Variants in IFT140 observed in about 807,000 individuals in gnomAD.
The protein encoded by IFT140 is intraflagellar transport protein 140 homolog.
IFT140 carries 133 observed loss-of-function variants against 164.6 expected under a neutral mutation model. The ratio of observed to expected loss-of-function variants is 0.81; its 90% CI spans 0.70 to 0.93. The LOEUF (loss-of-function observed/expected upper bound fraction) is 0.93. Ranked by LOEUF, IFT140 falls within the 40% of genes least tolerant of loss-of-function variation. The probability of loss-of-function intolerance (pLI) is 0.00; values close to 1 mark genes in which losing one functional copy is unlikely to be tolerated. For synonymous variants in IFT140, 860 were observed against 817.3 expected (o/e 1.05, Z -0.89); for missense variants, 2,045 against 1,972.3 (o/e 1.04, Z -0.70).
intron 12 of IFT140, among the ~76,000 whole-genome samples, chr16:1,581,738 G>GGGGGA (rs2034570987): frequency 1.7e-5 from 2 of 114,480 alleles, no homozygotes; most frequent in Admixed American, 8.6e-5. Flanking sequence ...GGGGAGGAGC[G>GGGGGA]GGGGAGGGGA....
At chr16:1,574,858 C>T (rs533620749) in intron 13 of IFT140, among the ~76,000 whole-genome samples, 20 of 152,266 alleles carry the variant, frequency 1.3e-4, no homozygotes, top group Non-Finnish European at 2.5e-4. Flanking sequence ...AGGAAGCTGT[C>T]CTTTTAAGGA....
intron 13 of IFT140, chr16:1,578,411 C>T (rs978915165): frequency 6.6e-6 from 1 of 152,084 alleles, no homozygotes; most frequent in South Asian, 2.1e-4. Context: ...CAAAAGCTCT[C>T]AACCTGGTCA....
At chr16:1,583,500 A>G (rs2141804289) in intron 11 of IFT140, 114 bp from the exon 12 acceptor site, 1 of 772,452 alleles carries the variant, frequency 1.3e-6, no homozygotes, top group South Asian at 1.7e-5. Flanking sequence ...CTGCTGCTCC[A>G]TCATCCTACG....
Position 1,524,561 on chromosome 16 carries a change from G to A in IFT140, c.3132C>T (p.Arg1044=), listed in dbSNP as rs2040617452. ...CCCGGGCCCGTGGTACCTTGCACAG[G>A]CGGATGGCATTCTTGAAGGCCTGTG... ...TRAQAFKNAI[R]LCKENGLDDQ... Residue 1044 remains arginine, a synonymous_variant, in exon 24 of 31, where the codon CGC becomes CGT. Transcript: ENST00000426508. 5 of 1,611,728 alleles carry A rather than the reference G, an allele frequency of 3.1e-6. No individual in the cohort carries two copies. The highest frequency in any genetic ancestry group is 1.3e-5 in the African/African-American group (1 of 74,878).
intron 21 of IFT140, 126 bp from the exon 22 acceptor site, chr16:1,525,452 C>T (rs2141176371): frequency 1.4e-6 from 1 of 716,806 alleles, no homozygotes; most frequent in Non-Finnish European, 2.5e-6. Context: ...TGCTCCTGGC[C>T]TGCAGCTCTG....
intron 19 of IFT140, among the ~76,000 whole-genome samples, chr16:1,544,291 C>G (rs2141316205): frequency 6.6e-6 from 1 of 151,854 alleles, no homozygotes; most frequent in African/African-American, 2.4e-5. Flanking sequence ...TCACGCCATT[C>G]TCCTGCCTCA....
intron 18 of IFT140, among the ~76,000 whole-genome samples, chr16:1,560,663 TG>T (rs1254762551): frequency 6.6e-6 from 1 of 152,228 alleles, no homozygotes; most frequent in African/African-American, 2.4e-5. Flanking sequence ...CTTCTCGGAA[TG>T]TCCCTCTGGG....
chr16:1,608,787 C>T (rs1203832802), intron 2 of IFT140, among the ~76,000 whole-genome samples: 1 of 152,090 alleles, frequency 6.6e-6, no homozygotes, highest in African/African-American at 2.4e-5. Context: ...GTGATCATGG[C>T]TCACTGTAGC....
intron 19 of IFT140, chr16:1,541,814 G>A (rs1044775772): frequency 1.4e-5 from 19 of 1,355,832 alleles, no homozygotes; most frequent in Middle Eastern, 4.0e-4. Flanking sequence ...AGCCTGTGCC[G>A]ACCGCCCTTT....
At chr16:1,517,714 C>T (rs554533357) in intron 30 of IFT140, among the ~76,000 whole-genome samples, 24 of 152,242 alleles carry the variant, frequency 1.6e-4, no homozygotes, top group South Asian at 6.2e-4. Context: ...AAAAAGAAAT[C>T]GTGGTTATTC....
In IFT140 at chr16:1,551,383, G is replaced by A. The variant is rs543365619; in HGVS notation, c.2399+6552C>T. Among the ~76,000 whole-genome samples the A allele has an allele frequency of 2.6e-5, 4 of 152,232 alleles. No homozygotes were observed. Among genetic ancestry groups the A allele is most frequent in the East Asian group, 1.9e-4 (1 of 5,160 alleles). On this transcript the variant is annotated intron_variant, in intron 19 of 30. Coordinates refer to ENST00000426508, the MANE Select transcript of IFT140 (RefSeq NM_014714.4). This position sits in a 1 kb window ranked among gnomAD's most constrained non-coding sequence, Gnocchi z 4.0. ...CCAGTCAAGCCGGGGACAGTGGCACGAGGAGAAGCCCAGAGTAGGTGGACC... is the reference window on the plus strand; with the variant it reads ...CCAGTCAAGCCGGGGACAGTGGCACAAGGAGAAGCCCAGAGTAGGTGGACC...
chr16:1,563,177 T>G (rs549605111), intron 17 of IFT140, among the ~76,000 whole-genome samples: 10 of 152,168 alleles, frequency 6.6e-5, no homozygotes, highest in Non-Finnish European at 1.3e-4. Context: ...TCGGGCAGTG[T>G]CTTCCCCTCC....
intron 30 of IFT140, among the ~76,000 whole-genome samples, chr16:1,515,305 T>C (rs1037657290): frequency 6.6e-6 from 1 of 152,002 alleles, no homozygotes; most frequent in Non-Finnish European, 1.5e-5. Flanking sequence ...GAGAGACACA[T>C]GACATGTAAG....
chr16:1,575,028 G>A (rs2034204999), intron 13 of IFT140, among the ~76,000 whole-genome samples: 1 of 152,180 alleles, frequency 6.6e-6, no homozygotes, highest in Admixed American at 6.6e-5. Flanking sequence ...TCACGCCAGA[G>A]CCACCTTACT....
intron 17 of IFT140, 141 bp downstream of exon 17, chr16:1,563,856 G>A (rs905940183): frequency 2.7e-6 from 2 of 744,664 alleles, no homozygotes; most frequent in Non-Finnish European, 4.0e-6. Context: ...GAACTCCTGG[G>A]CTCAAGCGTT....
intron 26 of IFT140, among the ~76,000 whole-genome samples, chr16:1,521,398 T>A (rs939607957): frequency 4.6e-5 from 7 of 151,422 alleles, no homozygotes; most frequent in Non-Finnish European, 1.0e-4. Context: ...ATATATATAT[T>A]TTTTTCTGAG....
At chr16:1,587,377 T>C (rs772800671) in intron 8 of IFT140, 73 bp from the exon 9 acceptor site, 33 of 910,252 alleles carry the variant, frequency 3.6e-5, no homozygotes, top group Non-Finnish European at 4.5e-5. Context: ...TTTTTGAACC[T>C]GTGGAGCAAA....
chr16:1,511,434 C>G (rs1198072614), intron 30 of IFT140, among the ~76,000 whole-genome samples: 2 of 152,246 alleles, frequency 1.3e-5, no homozygotes, highest in Non-Finnish European at 2.9e-5. Flanking sequence ...AGTCCCTCAG[C>G]AGCTGTGCAC....
At position 1,510,753 on chromosome 16, in the gene IFT140, G is replaced by T. The variant is rs1308962135; in HGVS notation, c.*191C>A. ...AGCTGCCGGGCACCCAGAGGCAGGT[G>T]GGACAGAGCAAGGTGCAGACGGGTC... is the stretch of plus-strand genomic sequence containing the variant. On this transcript the variant is annotated 3_prime_UTR_variant, in exon 31 of 31. Coordinates refer to ENST00000426508, the MANE Select transcript of IFT140 (RefSeq NM_014714.4). The T allele has an allele frequency of 1.6e-6, 1 of 611,692 alleles. No individual in the cohort carries two copies. The highest frequency in any genetic ancestry group is 1.9e-5 in the African/African-American group (1 of 53,996). 37.9% of individuals were successfully genotyped at this position (611,692 alleles called of 1,614,324 possible). A position where few individuals can be genotyped will look rare whatever the true frequency, so the allele number is the denominator to read the frequency against.
Sources: gnomAD v4.1 joint callset for allele counts (sites outside exome capture counted in the v4.1 genomes callset) on GRCh38, gnomAD v4.1.1 for gene constraint, Gnocchi (gnomAD v3.1) non-coding constraint, MANE v1.5 for transcripts, NCBI Gene and HGNC (gene_info 2026-07-23, HGNC 2026-07-21) for gene names.